The following GABRG3 variants were observed in gnomAD, a reference collection of about 807,000 sequenced individuals.
GABRG3 encodes gamma-aminobutyric acid receptor subunit gamma-3.
A neutral mutation model predicts 48.8 loss-of-function variants in GABRG3; 25 were observed. That is an observed-to-expected ratio of 0.51 (90% CI 0.37 to 0.72). The LOEUF is 0.72. Ranked by LOEUF, GABRG3 falls within the 30% of genes least tolerant of loss-of-function variation. GABRG3 has a pLI of 0.00. For missense variants in GABRG3, 394 were observed against 577.9 expected (o/e 0.68, Z 3.26); for synonymous variants, 227 against 217.6 (o/e 1.04, Z -0.38).
chr15:27,333,177 T>C (rs972496082), intron 5 of GABRG3, among the ~76,000 whole-genome samples: 8 of 152,232 alleles, frequency 5.3e-5, no homozygotes, highest in African/African-American at 1.9e-4. Flanking sequence ...TAAAGAATAT[T>C]CAATTGCAAA....
At chr15:27,001,451 C>T (rs1477786333) in intron 2 of GABRG3, among the ~76,000 whole-genome samples, 3 of 152,220 alleles carry the variant, frequency 2.0e-5, no homozygotes, top group Non-Finnish European at 4.4e-5. Context: ...CACAATGCCA[C>T]TCCACACAAT....
chr15:26,998,311 C>G (rs982833768), intron 2 of GABRG3, among the ~76,000 whole-genome samples: 2 of 152,176 alleles, frequency 1.3e-5, no homozygotes, highest in African/African-American at 4.8e-5. Context: ...ACACTTTGTT[C>G]CAAATGATGC....
chr15:27,133,982 C>T (rs1325489672), intron 3 of GABRG3, among the ~76,000 whole-genome samples: 1 of 152,148 alleles, frequency 6.6e-6, no homozygotes, highest in Admixed American at 6.5e-5. Context: ...GAATATTTTA[C>T]TTATGAATCA....
At chr15:27,400,202 G>C (rs557031289) in intron 5 of GABRG3, among the ~76,000 whole-genome samples, 77 of 152,200 alleles carry the variant, frequency 5.1e-4, no homozygotes, top group Middle Eastern at 6.8e-3. Flanking sequence ...CTATTAGAAC[G>C]CTAAAATGAA....
At chr15:27,293,442 ACTTT>A (rs1891861582) in intron 3 of GABRG3, among the ~76,000 whole-genome samples, 1 of 135,684 alleles carries the variant, frequency 7.4e-6, no homozygotes, top group African/African-American at 3.8e-5. Flanking sequence ...TAATCCCAGC[ACTTT>A]GAGGGATCAC....
intron 3 of GABRG3, among the ~76,000 whole-genome samples, chr15:27,069,450 A>G (rs1341491584): frequency 2.6e-5 from 4 of 152,188 alleles, no homozygotes; most frequent in South Asian, 4.1e-4. Flanking sequence ...GTGCACTTCT[A>G]CGGTTCTACC....
At chr15:27,321,145 C>T (rs1893411049) in intron 3 of GABRG3, among the ~76,000 whole-genome samples, 2 of 152,236 alleles carry the variant, frequency 1.3e-5, no homozygotes, top group Admixed American at 1.3e-4. Flanking sequence ...CAGAGAGCTC[C>T]CATCTTGCCA....
At chr15:27,173,443 AAGAG>A (rs1186266590) in intron 3 of GABRG3, among the ~76,000 whole-genome samples, 1 of 152,176 alleles carries the variant, frequency 6.6e-6, no homozygotes, top group Non-Finnish European at 1.5e-5. Context: ...TTTATTGAGA[AAGAG>A]AGAGAGATTC....
intron 3 of GABRG3, among the ~76,000 whole-genome samples, chr15:27,306,929 T>C (rs1460031634): frequency 7.9e-6 from 1 of 127,006 alleles, no homozygotes; most frequent in Non-Finnish European, 1.6e-5. Flanking sequence ...TATAAACATG[T>C]TTATATATAA....
chr15:27,466,831 A>G (rs536595054), intron 5 of GABRG3, among the ~76,000 whole-genome samples: 43 of 152,330 alleles, frequency 2.8e-4, no homozygotes, highest in African/African-American at 1.0e-3. Flanking sequence ...TTTAGCAGCC[A>G]AGGGCTGGAG....
intron 6 of GABRG3, among the ~76,000 whole-genome samples, chr15:27,493,576 A>G (rs1050948564): frequency 4.6e-5 from 7 of 152,226 alleles, no homozygotes; most frequent in African/African-American, 1.7e-4. Context: ...TAATCAACAA[A>G]TATATTATTT....
intron 3 of GABRG3, among the ~76,000 whole-genome samples, chr15:27,151,501 A>G (rs1389976908): frequency 6.6e-6 from 1 of 152,138 alleles, no homozygotes. Flanking sequence ...TCATTATCTG[A>G]TCATCAGAAC....
intron 6 of GABRG3, among the ~76,000 whole-genome samples, chr15:27,507,687 A>G (rs1890794888): frequency 6.6e-6 from 1 of 152,064 alleles, no homozygotes; most frequent in African/African-American, 2.4e-5. Context: ...GGTTGATACG[A>G]TTGTTCAAGT....
chr15:27,451,037 C>T (rs1360921217), intron 5 of GABRG3, among the ~76,000 whole-genome samples: 1 of 151,966 alleles, frequency 6.6e-6, no homozygotes, highest in East Asian at 1.9e-4. Context: ...AAAGAAGACA[C>T]AAATAAATGA....
chr15:27,519,526 A>G (rs1394866462), intron 6 of GABRG3, among the ~76,000 whole-genome samples: 2 of 152,366 alleles, frequency 1.3e-5, no homozygotes, highest in East Asian at 3.9e-4. Context: ...ATAAAAATAT[A>G]AAATGGTTAC....
intron 3 of GABRG3, among the ~76,000 whole-genome samples, chr15:27,313,263 T>TG (rs1893078256): frequency 7.9e-5 from 1 of 12,598 alleles, no homozygotes; most frequent in Non-Finnish European, 1.2e-4. Flanking sequence ...TGTGTGTGTG[T>TG]ATATATATAT....
At chr15:27,182,350 G>T (rs1485781817) in intron 3 of GABRG3, among the ~76,000 whole-genome samples, 2 of 152,094 alleles carry the variant, frequency 1.3e-5, no homozygotes, top group Non-Finnish European at 2.9e-5. Context: ...AAAATTACAG[G>T]TGATAAAATG....
rs1891317800 is a variant in GABRG3, at chr15:27,527,882, A to T, written c.1063-51A>T. The T allele has an allele frequency of 5.7e-6, 8 of 1,399,082 alleles. No homozygotes were observed. In the South Asian group the frequency reaches 7.4e-5, roughly 13 times the overall value. 86.7% of individuals were successfully genotyped at this position (1,399,082 alleles called of 1,614,324 possible). The stretch of plus-strand genomic sequence containing the variant: ...AGATTGCTCTTAAGAGTGATCTTGG[A>T]TGCAAATGTTCATGACAGTTTCCTA... On this transcript the variant is annotated intron_variant, in intron 8 of 9. Transcript: ENST00000615808.
intron 5 of GABRG3, among the ~76,000 whole-genome samples, chr15:27,453,875 C>T (rs1595764145): frequency 6.6e-6 from 1 of 152,188 alleles, no homozygotes; most frequent in Admixed American, 6.5e-5. Context: ...TTGCTGGTAT[C>T]ACAGGCATGA....
Sources: allele counts gnomAD v4.1 joint callset (sites outside exome capture counted in the v4.1 genomes callset), GRCh38; gene constraint gnomAD v4.1.1; transcripts MANE v1.5; gene names NCBI Gene and HGNC (gene_info 2026-07-23, HGNC 2026-07-21).